The following PRKCQ variants were observed in gnomAD, a reference collection of about 807,000 sequenced individuals.
The protein encoded by PRKCQ is protein kinase C theta type.
Under a neutral mutation model 91.2 loss-of-function variants are expected in PRKCQ, and 41 were observed. The ratio of observed to expected loss-of-function variants is 0.45; its 90% CI spans 0.35 to 0.58. PRKCQ has a LOEUF of 0.58. Among genes scored for constraint, PRKCQ ranks in the 20% least tolerant of loss-of-function variants. The probability of loss-of-function intolerance (pLI) is 0.00; values close to 1 mark genes in which losing one functional copy is unlikely to be tolerated. For synonymous variants in PRKCQ, 307 were observed against 316.9 expected, an observed-to-expected ratio of 0.97 and a Z score of 0.33; for missense variants, 673 against 896.5, an observed-to-expected ratio of 0.75 and a Z score of 3.18.
intron 3 of PRKCQ, among the ~76,000 whole-genome samples, chr10:6,509,487 CA>C (rs1383355421): frequency 6.6e-6 from 1 of 152,230 alleles, no homozygotes; most frequent in Non-Finnish European, 1.5e-5. Flanking sequence ...AGGCTCACTG[CA>C]ACCTCCGCTT....
the PRKCQ span, among the ~76,000 whole-genome samples, chr10:6,394,552 C>G: frequency 6.6e-6 from 1 of 152,230 alleles, no homozygotes. Flanking sequence ...TGACCTTCAG[C>G]GGCATTTCGG....
At chr10:6,538,971 C>T (rs528564277) in intron 1 of PRKCQ, among the ~76,000 whole-genome samples, 4 of 152,060 alleles carry the variant, frequency 2.6e-5, no homozygotes, top group African/African-American at 9.7e-5. Flanking sequence ...ACCATGTTGC[C>T]CAGGCTGGTC....
At position 6,561,391 on chromosome 10, in the gene PRKCQ, A is replaced by G. The variant is rs796427162; in HGVS notation, c.-10+18820T>C. On this transcript the variant is annotated intron_variant, in intron 1 of 17. Transcript: ENST00000263125. ...TCTCAAAAAAAAAAAAAAAAAAAAA[A>G]AAAAAGAAACAAGAAAAAAAGAAAT... 1.3e-3 allele frequency among the ~76,000 whole-genome samples: 202 copies of G among 151,078 alleles called. 1 individual carries two copies. Among genetic ancestry groups the G allele is most frequent in the African/African-American group, 4.7e-3 (193 of 41,338 alleles).
At chr10:6,463,828 C>T (rs914546120) in intron 13 of PRKCQ, among the ~76,000 whole-genome samples, 1 of 152,176 alleles carries the variant, frequency 6.6e-6, no homozygotes, top group Non-Finnish European at 1.5e-5. Flanking sequence ...ACCAGGTACA[C>T]ACAGCCTGCC....
chr10:6,457,112 G>A (rs1238507812), intron 14 of PRKCQ, among the ~76,000 whole-genome samples: 1 of 152,170 alleles, frequency 6.6e-6, no homozygotes, highest in East Asian at 1.9e-4. Flanking sequence ...GGGTAATGAC[G>A]AAGGAGGAAA....
intron 1 of PRKCQ, among the ~76,000 whole-genome samples, chr10:6,567,207 G>C (rs372459407): frequency 6.6e-6 from 1 of 152,162 alleles, no homozygotes; most frequent in African/African-American, 2.4e-5. Context: ...ACACATCAGA[G>C]GCGACTTGGA....
intron 1 of PRKCQ, among the ~76,000 whole-genome samples, chr10:6,577,813 C>T (rs1288788345): frequency 6.6e-6 from 1 of 152,082 alleles, no homozygotes; most frequent in Admixed American, 6.6e-5. Flanking sequence ...TCCTAATTTC[C>T]AGAAAGGCAA....
At chr10:6,517,592 T>C (rs1838820844) in intron 1 of PRKCQ, among the ~76,000 whole-genome samples, 1 of 24,544 alleles carries the variant, frequency 4.1e-5, no homozygotes. Context: ...TAGCATCTTT[T>C]TTTTTTTTTT....
At chr10:6,477,074 T>C (rs1411240439) in intron 12 of PRKCQ, among the ~76,000 whole-genome samples, 3 of 152,212 alleles carry the variant, frequency 2.0e-5, no homozygotes, top group Non-Finnish European at 4.4e-5. Context: ...TTCTCCTAAA[T>C]AGTTGACCAG....
At chr10:6,481,352 C>T (rs970014303) in intron 11 of PRKCQ, among the ~76,000 whole-genome samples, 2 of 152,172 alleles carry the variant, frequency 1.3e-5, no homozygotes, top group African/African-American at 2.4e-5. Context: ...ACCCTAAAAC[C>T]AGCCATAAAC....
At chr10:6,557,882 A>G (rs1840482114) in intron 1 of PRKCQ, among the ~76,000 whole-genome samples, 1 of 151,896 alleles carries the variant, frequency 6.6e-6, no homozygotes, top group Non-Finnish European at 1.5e-5. Flanking sequence ...CTTCATCTTC[A>G]TCTCCTCCAA....
At chr10:6,496,866 G>A (rs770194656) in intron 7 of PRKCQ, among the ~76,000 whole-genome samples, 169 bp downstream of exon 7, 11 of 152,100 alleles carry the variant, frequency 7.2e-5, no homozygotes, top group Non-Finnish European at 1.2e-4. Context: ...TCTGGTTTGG[G>A]TAATTCAGTA....
chr10:6,489,341 C>A, intron 8 of PRKCQ: 1 of 487,614 alleles, frequency 2.1e-6, no homozygotes, highest in Non-Finnish European at 4.2e-6. Context: ...CTTGCATGGC[C>A]GCGAAGAAAG....
At chr10:6,523,208 G>T (rs1490020857) in intron 1 of PRKCQ, among the ~76,000 whole-genome samples, 3 of 152,194 alleles carry the variant, frequency 2.0e-5, no homozygotes, top group African/African-American at 7.2e-5. Context: ...CCAGCACTTT[G>T]GGAGGTTGAG....
chr10:6,577,596 T>C (rs1841292456), intron 1 of PRKCQ, among the ~76,000 whole-genome samples: 1 of 152,190 alleles, frequency 6.6e-6, no homozygotes, highest in Admixed American at 6.5e-5. Flanking sequence ...GGATTTTCAT[T>C]ATATAACAAT....
intron 11 of PRKCQ, among the ~76,000 whole-genome samples, chr10:6,480,812 C>T (rs961059261): frequency 1.3e-5 from 2 of 152,142 alleles, no homozygotes; most frequent in South Asian, 2.1e-4. Context: ...GGTTTAAAAG[C>T]GACGGAGCAG....
At chr10:6,472,438 G>C (rs958598536) in intron 12 of PRKCQ, among the ~76,000 whole-genome samples, 1 of 152,234 alleles carries the variant, frequency 6.6e-6, no homozygotes, top group Non-Finnish European at 1.5e-5. Context: ...GTTATTTCCT[G>C]TGTATTTGGA....
intron 1 of PRKCQ, among the ~76,000 whole-genome samples, chr10:6,519,492 T>C (rs559450783): frequency 3.9e-4 from 60 of 152,126 alleles, no homozygotes; most frequent in Non-Finnish European, 8.4e-4. Context: ...TTAGTCTCCC[T>C]AATAACAAGA....
rs188613110 is a variant in PRKCQ, at chr10:6,489,153, C to T, written c.790+2530G>A. On this transcript the variant is annotated intron_variant, in intron 8 of 17. Transcript: ENST00000263125. ...CAAATTCCACATTGTCGGCAAAACT[C>T]GCATAACTCACATTCGCCCTATTTA... 2.6e-5 allele frequency among the ~76,000 whole-genome samples: 4 copies of T among 151,998 alleles called. No individual in the cohort carries two copies. In the East Asian group the frequency reaches 7.7e-4, roughly 29 times the overall value.
Sources: gnomAD v4.1 joint callset for allele counts (sites outside exome capture counted in the v4.1 genomes callset) on GRCh38, gnomAD v4.1.1 for gene constraint, MANE v1.5 for transcripts, NCBI Gene and HGNC (gene_info 2026-07-23, HGNC 2026-07-21) for gene names.